Variants in PPIC observed in about 807,000 individuals in gnomAD.
The protein encoded by PPIC is peptidyl-prolyl cis-trans isomerase C.
Under a neutral mutation model 19.5 loss-of-function variants are expected in PPIC, and 19 were observed. The observed-to-expected ratio is 0.98, with a 90% CI of 0.68 to 1.43. The LOEUF is 1.43. Ranked by LOEUF, PPIC falls within the 40% of genes most tolerant of loss-of-function variation. The pLI, the probability that PPIC is intolerant of heterozygous loss-of-function variation, is 0.00. For synonymous variants in PPIC, 107 were observed against 101.2 expected (o/e 1.06, Z -0.34); for missense variants, 268 against 268.6 (o/e 1.00, Z 0.02).
chr5:123,033,948 C>A (rs978969735), intron 1 of PPIC, among the ~76,000 whole-genome samples: 1 of 152,222 alleles, frequency 6.6e-6, no homozygotes, highest in Non-Finnish European at 1.5e-5. Context: ...GCCCAATGAG[C>A]CAGAGCCCCC....
Position 123,029,302 on chromosome 5 carries a change from T to C in PPIC, c.231+3A>G, listed in dbSNP as rs746788652. On this transcript the variant is annotated splice_donor_region_variant and intron_variant, in intron 2 of 4. Transcript: ENST00000306442. ...ATTTAAAGGAAATAAAATTGAGACA[T>C]ACCTCTCCTGTTGCTAGAGCAACAA... is the stretch of plus-strand genomic sequence containing the variant. 1 of 1,614,148 alleles carries C rather than the reference T, an allele frequency of 6.2e-7. No homozygotes were observed. The highest frequency in any genetic ancestry group is 8.5e-7 in the Non-Finnish European group (1 of 1,179,994).
intron 3 of PPIC, among the ~76,000 whole-genome samples, chr5:123,027,489 G>A (rs773744790): frequency 2.6e-5 from 4 of 152,122 alleles, no homozygotes; most frequent in Non-Finnish European, 4.4e-5. Context: ...AGCACCGAGG[G>A]CACGGGCACC....
rs1762796249 is a variant in PPIC, at chr5:123,023,604, G to A, written c.*271C>T. On this transcript the variant is annotated 3_prime_UTR_variant, in exon 5 of 5. Coordinates refer to ENST00000306442, the MANE Select transcript of PPIC (RefSeq NM_000943.5). ...AAAAAAATATTGCATTAAAAAAATA[G>A]CCAATTCAAAGTTTTTTTTAGTTTT... 4.1e-6 allele frequency: 1 copy of A among 246,220 alleles called. No individual in the cohort carries two copies. The highest frequency in any genetic ancestry group is 1.3e-4 in the South Asian group (1 of 7,720). 15.3% of individuals were successfully genotyped at this position (246,220 alleles called of 1,614,324 possible).
intron 1 of PPIC, among the ~76,000 whole-genome samples, chr5:123,031,425 C>A (rs184321495): frequency 1.2e-4 from 19 of 152,286 alleles, no homozygotes; most frequent in African/African-American, 2.4e-4. Context: ...TCTCCCCAAA[C>A]AAGGATGGGG....
At chr5:123,024,537 C>A (rs568481084) in intron 4 of PPIC, among the ~76,000 whole-genome samples, 17 of 152,302 alleles carry the variant, frequency 1.1e-4, no homozygotes, top group East Asian at 7.7e-4. Flanking sequence ...CCCAGCCCCC[C>A]ACAGTGCTGT....
chr5:123,028,850 C>G lies in PPIC; in HGVS notation c.250G>C (p.Gly84Arg). The G allele has an allele frequency of 6.2e-7, 1 of 1,611,246 alleles. No individual in the cohort carries two copies. The highest frequency in any genetic ancestry group is 8.5e-7 in the Non-Finnish European group (1 of 1,177,392). Residue 84 changes from glycine to arginine, a missense_variant, in exon 3 of 5, where the codon GGA (glycine) becomes CGA (arginine). Transcript: ENST00000306442. ...TTGATGACACGATGAAACTTGCTTC[C>G]TTTATATCCATATCCTTTCTAAAGA... ...ATGEKGYGYK[G>R]SKFHRVIKDF...
intron 3 of PPIC, 115 bp from the exon 4 acceptor site, chr5:123,026,083 G>C (rs1581872349): frequency 1.2e-6 from 1 of 859,532 alleles, no homozygotes; most frequent in Non-Finnish European, 1.7e-6. Context: ...GGTAGGGATG[G>C]GGAAGACATG....
rs780403218 is a variant in PPIC, at chr5:123,036,574, C to G, written c.52G>C (p.Gly18Arg). The G allele has an allele frequency of 1.2e-6, 2 of 1,600,314 alleles. No homozygotes were observed. Among genetic ancestry groups the G allele is most frequent in the African/African-American group, 1.3e-5 (1 of 74,932 alleles). The change falls in exon 1 of 5, where the codon GGC becomes CGC. Residue 18 changes from glycine (G) to arginine (R), a missense_variant. By Grantham distance (125) the Gly-to-Arg change is moderately radical (BLOSUM62 -2). Transcript: ENST00000306442. This position sits in a 1 kb window ranked among gnomAD's most constrained non-coding sequence, Gnocchi z 4.5. Reference sequence around the variant, plus strand: ...GCCCCCGAAGAAAACACAAGTGCGCCGAGCCCCACGCAAAGCACGAGAGGT... The same window carrying G: ...GCCCCCGAAGAAAACACAAGTGCGCGGAGCCCCACGCAAAGCACGAGAGGT... ...LLPLVLCVGL[G>R]ALVFSSGAEG...
At chr5:123,034,576 G>A (rs550068931) in intron 1 of PPIC, among the ~76,000 whole-genome samples, 79 of 152,306 alleles carry the variant, frequency 5.2e-4, no homozygotes, top group Non-Finnish European at 9.0e-4. Context: ...TTGCTCTGGG[G>A]TGGGTCACTG....
intron 1 of PPIC, among the ~76,000 whole-genome samples, chr5:123,029,971 C>T (rs1388167460): frequency 9.2e-5 from 14 of 152,154 alleles, no homozygotes; most frequent in Non-Finnish European, 2.1e-4. Context: ...AATGATGAAA[C>T]ACAGCAGTCC....
chr5:123,025,960 T>G lies in PPIC; in HGVS notation c.334A>C (p.Ile112Leu). The G allele has an allele frequency of 6.3e-7, 1 of 1,591,430 alleles. No individual in the cohort carries two copies. Among genetic ancestry groups the G allele is most frequent in the Middle Eastern group, 1.7e-4 (1 of 5,972 alleles). The change falls in exon 4 of 5, where the codon ATC (isoleucine) becomes CTC (leucine). Residue 112 changes from isoleucine to leucine, a missense_variant. By Grantham distance (5) the Ile-to-Leu change is conservative. Coordinates refer to ENST00000306442, the MANE Select transcript of PPIC (RefSeq NM_000943.5). ...TCATCTGGAAATGTCTCACCATAGA[T>G]GCTCACACCTGAGACAAAACAAGGA... is the stretch of plus-strand genomic sequence containing the variant. ...TTGDGTGGVSIYGETFPDENF... is the reference protein window; with the variant it reads ...TTGDGTGGVSLYGETFPDENF...
At chr5:123,032,806 A>G (rs1188391904) in intron 1 of PPIC, among the ~76,000 whole-genome samples, 3 of 152,166 alleles carry the variant, frequency 2.0e-5, no homozygotes, top group Non-Finnish European at 4.4e-5. Flanking sequence ...ATCTGTGGAG[A>G]TAAGTGTGGG....
chr5:123,024,892 G>A (rs1347254870), intron 4 of PPIC, among the ~76,000 whole-genome samples: 2 of 152,188 alleles, frequency 1.3e-5, no homozygotes, highest in African/African-American at 2.4e-5. Context: ...CAGTTTAGGA[G>A]CTGAGAGAGC....
At chr5:123,031,994 G>T (rs577977100) in intron 1 of PPIC, among the ~76,000 whole-genome samples, 3 of 152,196 alleles carry the variant, frequency 2.0e-5, no homozygotes, top group Admixed American at 1.3e-4. Context: ...ACGGGGTTTC[G>T]CCATATTGGC....
Position 123,023,990 on chromosome 5 carries a change from G to A in PPIC, c.524C>T (p.Ser175Phe). The change falls in exon 5 of 5, where the codon TCC becomes TTC. Residue 175 changes from serine (S) to phenylalanine (F), a missense_variant. Physicochemically the swap from Ser to Phe is radical, Grantham distance 155 (BLOSUM62 -2). Coordinates refer to ENST00000306442, the MANE Select transcript of PPIC (RefSeq NM_000943.5). ...KVIDGMTVVH[S>F]IELQATDGHD... ...CCCATCAGTTGCTTGGAGCTCTATG[G>A]AGTGCACCACTGTCTGGTGAGAGAA... The A allele has an allele frequency of 6.2e-7, 1 of 1,613,200 alleles. No individual in the cohort carries two copies. The highest frequency in any genetic ancestry group is 8.5e-7 in the Non-Finnish European group (1 of 1,179,436).
intron 3 of PPIC, among the ~76,000 whole-genome samples, chr5:123,027,493 G>GGGCACC (rs1237468565): frequency 1.3e-5 from 2 of 152,114 alleles, no homozygotes; most frequent in Non-Finnish European, 2.9e-5. Context: ...CCGAGGGCAC[G>GGGCACC]GGCACCAGCG....
chr5:123,029,458 G>T (rs751723630), intron 1 of PPIC, 40 bp from the exon 2 acceptor site: 2 of 1,502,890 alleles, frequency 1.3e-6, no homozygotes, highest in South Asian at 2.8e-5. Context: ...GTTATAAGGT[G>T]GAAAAGCACA....
chr5:123,032,900 C>A (rs527911503), intron 1 of PPIC, among the ~76,000 whole-genome samples: 2 of 152,172 alleles, frequency 1.3e-5, no homozygotes, highest in East Asian at 3.9e-4. Flanking sequence ...CAAGGCTGCC[C>A]TTGAAAGTCA....
intron 3 of PPIC, among the ~76,000 whole-genome samples, chr5:123,026,290 G>A (rs1340894709): frequency 6.6e-6 from 1 of 152,166 alleles, no homozygotes; most frequent in African/African-American, 2.4e-5. Context: ...CTGAAGGGCA[G>A]GAAAACATCC....
Sources: allele counts gnomAD v4.1 joint callset (sites outside exome capture counted in the v4.1 genomes callset), GRCh38; gene constraint gnomAD v4.1.1; non-coding constraint Gnocchi (gnomAD v3.1); transcripts MANE v1.5; gene names NCBI Gene and HGNC (gene_info 2026-07-23, HGNC 2026-07-21).